Variants in ATP11A observed in about 807,000 individuals in gnomAD.
ATP11A encodes the protein phospholipid-transporting ATPase IH.
ATP11A carries 81 observed loss-of-function variants against 154.4 expected under a neutral mutation model. That is an observed-to-expected ratio of 0.52 (90% CI 0.44 to 0.63). The LOEUF (loss-of-function observed/expected upper bound fraction) is 0.63. Ranked by LOEUF, ATP11A falls within the 30% of genes least tolerant of loss-of-function variation. ATP11A has a pLI of 0.00. For missense variants in ATP11A, 1,316 were observed against 1,474.3 expected (o/e 0.89, Z 1.76); for synonymous variants, 623 against 585.9 (o/e 1.06, Z -0.91).
At chr13:112,707,481 C>T (rs1007066653) in intron 1 of ATP11A, among the ~76,000 whole-genome samples, 2 of 150,672 alleles carry the variant, frequency 1.3e-5, no homozygotes, top group Admixed American at 6.6e-5. Flanking sequence ...AGGTGAGGAG[C>T]GTAGTGGCCA....
intron 1 of ATP11A, among the ~76,000 whole-genome samples, chr13:112,699,688 G>A (rs1215261867): frequency 1.3e-5 from 2 of 152,244 alleles, no homozygotes; most frequent in African/African-American, 4.8e-5. Flanking sequence ...TGTCATTGGT[G>A]GAGGCCGAGC....
At chr13:112,811,852 T>A (rs2078510574) in intron 5 of ATP11A, 1 of 152,198 alleles carries the variant, frequency 6.6e-6, no homozygotes, top group South Asian at 2.1e-4. Context: ...GTGATCCGCC[T>A]GCCTTGGCCT....
rs1197677718 is a variant in ATP11A at position 112,697,334 on chromosome 13, A to C, written c.39+6879A>C. Among the ~76,000 whole-genome samples the C allele has an allele frequency of 6.6e-6, 1 of 152,036 alleles. No homozygotes were observed. Among genetic ancestry groups the C allele is most frequent in the Non-Finnish European group, 1.5e-5 (1 of 67,986 alleles). On this transcript the variant is annotated intron_variant, in intron 1 of 29. Coordinates refer to ENST00000375645, the MANE Select transcript of ATP11A (RefSeq NM_015205.3). The surrounding 1 kb of genome is among the most constrained non-coding windows in gnomAD (Gnocchi z 4.0). Reference sequence around the variant, plus strand: ...CCAGCCGTGTTCATTTCCGTGTTCCAGTGTCACCCGTGTGCCTAGAACGTT... The same window carrying C: ...CCAGCCGTGTTCATTTCCGTGTTCCCGTGTCACCCGTGTGCCTAGAACGTT...
chr13:112,873,445 G>A, intron 26 of ATP11A, 128 bp from the exon 27 acceptor site: 1 of 639,122 alleles, frequency 1.6e-6, no homozygotes. Flanking sequence ...TGCAGGCATT[G>A]AGTCGTCATT....
intron 1 of ATP11A, among the ~76,000 whole-genome samples, chr13:112,773,812 A>C (rs560467304): frequency 6.6e-6 from 1 of 152,306 alleles, no homozygotes; most frequent in Non-Finnish European, 1.5e-5. Flanking sequence ...TCTGTGGGTG[A>C]CGCGCATCAC....
rs535311744 is a variant in ATP11A, at chr13:112,884,497, G to A, written c.*2631G>A. On this transcript the variant is annotated 3_prime_UTR_variant, in exon 30 of 30. Coordinates refer to ENST00000375645, the MANE Select transcript of ATP11A (RefSeq NM_015205.3). Reference sequence around the variant, plus strand: ...TGAATGTGCCTGATGATTTGAAATAGACAAGGGGCACGAGATAAAAAAGAA... The same window carrying A: ...TGAATGTGCCTGATGATTTGAAATAAACAAGGGGCACGAGATAAAAAAGAA... 6.6e-6 allele frequency: 1 copy of A among 152,370 alleles called. No individual in the cohort carries two copies. Among genetic ancestry groups the A allele is most frequent in the South Asian group, 2.1e-4 (1 of 4,830 alleles). 9.4% of individuals were successfully genotyped at this position (152,370 alleles called of 1,614,324 possible).
intron 18 of ATP11A, 150 bp from the exon 19 acceptor site, chr13:112,854,129 G>A (rs539354597): frequency 3.6e-5 from 36 of 1,009,720 alleles, no homozygotes; most frequent in South Asian, 6.4e-5. Flanking sequence ...TCAGTACTTC[G>A]TGGTGAGATC....
chr13:112,852,847 C>T (rs2140329762), intron 18 of ATP11A, among the ~76,000 whole-genome samples: 1 of 151,718 alleles, frequency 6.6e-6, no homozygotes, highest in Middle Eastern at 3.4e-3. Flanking sequence ...TCCTTATAAT[C>T]TCCAGTCAGC....
chr13:112,834,867 G>A (rs1300685374), intron 15 of ATP11A, among the ~76,000 whole-genome samples: 1 of 152,232 alleles, frequency 6.6e-6, no homozygotes, highest in Non-Finnish European at 1.5e-5. Flanking sequence ...CAGCCACAGC[G>A]CTGCTTCCCC....
At chr13:112,727,984 G>C (rs998122487) in intron 1 of ATP11A, among the ~76,000 whole-genome samples, 2 of 152,246 alleles carry the variant, frequency 1.3e-5, no homozygotes, top group African/African-American at 2.4e-5. Flanking sequence ...GCCGTGTCTG[G>C]TGAGCAGGGG....
intron 6 of ATP11A, among the ~76,000 whole-genome samples, chr13:112,818,396 C>T (rs1301941584): frequency 6.6e-6 from 1 of 152,182 alleles, no homozygotes; most frequent in African/African-American, 2.4e-5. Context: ...TGACCGTGTC[C>T]CCCTGATTTG....
In ATP11A at chr13:112,789,181, G is replaced by T. The variant is rs1443737357; in HGVS notation, c.162+3924G>T. Among the ~76,000 whole-genome samples the T allele has an allele frequency of 6.0e-5, 9 of 150,354 alleles. 1 individual carries two copies. In the South Asian group the frequency reaches 1.5e-3, roughly 24 times the overall value. On this transcript the variant is annotated intron_variant, in intron 2 of 29. Coordinates refer to ENST00000375645, the MANE Select transcript of ATP11A (RefSeq NM_015205.3). The stretch of plus-strand genomic sequence containing the variant: ...GTCCTGATGTGTAGACTCCTGTGGA[G>T]ACCTACTTAATTCACACCAGGTGTC...
intron 1 of ATP11A, among the ~76,000 whole-genome samples, chr13:112,784,041 G>T (rs983256962): frequency 6.6e-6 from 1 of 152,134 alleles, no homozygotes; most frequent in Non-Finnish European, 1.5e-5. Flanking sequence ...AGAGCTCTTG[G>T]CTTTGCCCAG....
rs2076759981 is a variant in ATP11A, at chr13:112,754,093, T to A, written c.40-31042T>A. Among the ~76,000 whole-genome samples, 1 of 152,142 alleles carries A rather than the reference T, an allele frequency of 6.6e-6. No homozygotes were observed. Among genetic ancestry groups the A allele is most frequent in the African/African-American group, 2.4e-5 (1 of 41,436 alleles). On this transcript the variant is annotated intron_variant, in intron 1 of 29. Transcript: ENST00000375645. The surrounding 1 kb of genome is among the most constrained non-coding windows in gnomAD (Gnocchi z 5.3). ...TTTGGGATTGAGGAGGGGTTCGGCT[T>A]CACTCTCTTCAGCGCCTGGGGCCTT...
intron 1 of ATP11A, among the ~76,000 whole-genome samples, chr13:112,751,800 C>T (rs1443030333): frequency 3.3e-5 from 5 of 151,730 alleles, no homozygotes; most frequent in African/African-American, 7.3e-5. Flanking sequence ...TGTGATCCCG[C>T]GTCACTGCAG....
In ATP11A at chr13:112,812,365, G is replaced by A. The variant is rs528039782; in HGVS notation, c.441+1639G>A. Among the ~76,000 whole-genome samples the A allele has an allele frequency of 2.6e-5, 4 of 152,178 alleles. No individual in the cohort carries two copies. The East Asian group carries it at 5.8e-4, about 22-fold the overall frequency. On this transcript the variant is annotated intron_variant, in intron 5 of 29. Coordinates refer to ENST00000375645, the MANE Select transcript of ATP11A (RefSeq NM_015205.3). Reference sequence around the variant, plus strand: ...CTGCCTGGCTCTTTCCAACTCCCACGCCTCCCTCCCTCGTGCAGCCCCACT... The same window carrying A: ...CTGCCTGGCTCTTTCCAACTCCCACACCTCCCTCCCTCGTGCAGCCCCACT...
chr13:112,761,272 CT>C (rs2076955895), intron 1 of ATP11A, among the ~76,000 whole-genome samples: 2 of 152,176 alleles, frequency 1.3e-5, no homozygotes, highest in Admixed American at 1.3e-4. Context: ...GAAGGTGCTC[CT>C]TTAAGTGAAA....
At chr13:112,789,391 C>CA (rs1566485254) in intron 2 of ATP11A, among the ~76,000 whole-genome samples, 3 of 148,278 alleles carry the variant, frequency 2.0e-5, no homozygotes, top group African/African-American at 7.5e-5. Context: ...TAATTCACAC[C>CA]GGTGTTCTGA....
Position 112,834,652 on chromosome 13 carries a change from C to T in ATP11A, c.1623C>T (p.His541=), listed in dbSNP as rs1441537191. The part of the protein sequence containing the change: ...NYMEILNREN[H]IERFELLEIL... ...TGGAGATATTAAACAGGGAGAACCA[C>T]ATCGAAAGGTATGTGCAGACCTCAC... Residue 541 remains histidine (H), a synonymous_variant, in exon 15 of 30, where the codon CAC becomes CAT. Coordinates refer to ENST00000375645, the MANE Select transcript of ATP11A (RefSeq NM_015205.3). The T allele has an allele frequency of 3.1e-6, 5 of 1,613,210 alleles. No homozygotes were observed. Among genetic ancestry groups the T allele is most frequent in the Non-Finnish European group, 1.7e-6 (2 of 1,179,172 alleles).
Sources: gnomAD v4.1 joint callset for allele counts (sites outside exome capture counted in the v4.1 genomes callset) on GRCh38, gnomAD v4.1.1 for gene constraint, Gnocchi (gnomAD v3.1) non-coding constraint, MANE v1.5 for transcripts, NCBI Gene and HGNC (gene_info 2026-07-23, HGNC 2026-07-21) for gene names.